TMEM62: variants seen among roughly 807,000 people sequenced by gnomAD.
The protein encoded by TMEM62 is transmembrane protein 62.
In TMEM62, 41 loss-of-function variants were observed where a neutral mutation model predicts 70.4. That is an observed-to-expected ratio of 0.58 (90% CI 0.45 to 0.76). TMEM62 has a LOEUF of 0.76. Among genes scored for constraint, TMEM62 ranks in the 30% least tolerant of loss-of-function variants. The pLI is 0.00. For synonymous variants in TMEM62, 268 were observed against 291.0 expected (o/e 0.92, Z 0.80); for missense variants, 688 against 788.5 (o/e 0.87, Z 1.53).
chr15:43,149,245 A>G (rs2037068562), intron 7 of TMEM62, 94 bp downstream of exon 7: 5 of 1,320,572 alleles, frequency 3.8e-6, no homozygotes, highest in Non-Finnish European at 5.2e-6. Context: ...GATCACAGTT[A>G]AAGAAAAACT....
At chr15:43,175,734 TAC>T (rs1364430789) in intron 11 of TMEM62, among the ~76,000 whole-genome samples, 1 of 152,226 alleles carries the variant, frequency 6.6e-6, no homozygotes, top group East Asian at 1.9e-4. Context: ...AGCTCCGGTC[TAC>T]ACCTCCCAGC....
intron 10 of TMEM62, among the ~76,000 whole-genome samples, chr15:43,162,433 C>CTTTTT (rs1169921008): frequency 3.6e-5 from 5 of 136,988 alleles, no homozygotes; most frequent in African/African-American, 9.2e-5. Context: ...GCCCCTGGCC[C>CTTTTT]TTTTTTTTTT....
intron 11 of TMEM62, among the ~76,000 whole-genome samples, chr15:43,173,661 T>TA (rs771800453): frequency 8.1e-4 from 123 of 152,184 alleles, no homozygotes; most frequent in Non-Finnish European, 1.3e-3. Flanking sequence ...CTGTAAGGCT[T>TA]ACCTGAAGAC....
chr15:43,172,648 C>CA (rs950220502), intron 11 of TMEM62, among the ~76,000 whole-genome samples: 28 of 152,100 alleles, frequency 1.8e-4, no homozygotes, highest in African/African-American at 6.3e-4. Context: ...TAAACCCAGG[C>CA]AAAAAATGTA....
chr15:43,160,993 T>C (rs978708463), intron 10 of TMEM62, among the ~76,000 whole-genome samples, 199 bp downstream of exon 10: 1 of 152,168 alleles, frequency 6.6e-6, no homozygotes, highest in East Asian at 1.9e-4. Context: ...TATATTGTTA[T>C]AATTGTTCTA....
intron 8 of TMEM62, 117 bp from the exon 9 acceptor site, chr15:43,154,555 T>A: frequency 4.9e-6 from 4 of 820,974 alleles, no homozygotes; most frequent in Non-Finnish European, 7.0e-6. Context: ...CCTGCTGTTG[T>A]ACAATATGAT....
chr15:43,154,953 C>A, intron 9 of TMEM62, 122 bp downstream of exon 9: 2 of 874,576 alleles, frequency 2.3e-6, no homozygotes, highest in Non-Finnish European at 3.3e-6. Context: ...GGGGGCCGGG[C>A]ATGGTGGCTC....
chr15:43,172,644 C>A (rs1204511482), intron 11 of TMEM62, among the ~76,000 whole-genome samples: 1 of 152,070 alleles, frequency 6.6e-6, no homozygotes, highest in South Asian at 2.1e-4. Flanking sequence ...TCAGTAAACC[C>A]AGGCAAAAAA....
intron 10 of TMEM62, among the ~76,000 whole-genome samples, chr15:43,167,846 G>A (rs888433953): frequency 6.6e-6 from 1 of 152,224 alleles, no homozygotes; most frequent in Non-Finnish European, 1.5e-5. Context: ...TGAGCACTGA[G>A]TGAACGAGAC....
At position 43,151,093 on chromosome 15, in the gene TMEM62, C is replaced by T. The variant is rs192720277; in HGVS notation, c.867-697C>T. Among the ~76,000 whole-genome samples the T allele has an allele frequency of 3.9e-5, 6 of 151,930 alleles. No homozygotes were observed. In the South Asian group the frequency reaches 6.2e-4, roughly 16 times the overall value. On this transcript the variant is annotated intron_variant, in intron 7 of 13. Transcript: ENST00000260403. The stretch of plus-strand genomic sequence containing the variant: ...GGCATGGTGGCTTACGCCTATAATC[C>T]CAGCACTTTGGGAAGCCAAGGTGAG...
chr15:43,160,837 T>A (rs776154266), intron 10 of TMEM62, 43 bp downstream of exon 10: 1 of 1,213,532 alleles, frequency 8.2e-7, no homozygotes, highest in Non-Finnish European at 1.2e-6. Context: ...AAATGCAGAG[T>A]CCTAAATAAT....
At chr15:43,168,176 AGACG>A (rs2039783656) in intron 10 of TMEM62, among the ~76,000 whole-genome samples, 3 of 38,912 alleles carry the variant, frequency 7.7e-5, no homozygotes, top group African/African-American at 3.2e-4. Flanking sequence ...AGGGAGACGG[AGACG>A]GAGAGGGAGA....
At chr15:43,180,821 A>T (rs1399064598) in intron 12 of TMEM62, 1 of 159,316 alleles carries the variant, frequency 6.3e-6, no homozygotes, top group African/African-American at 2.4e-5. Flanking sequence ...TGGAAATTTA[A>T]CTTCTGTGGA....
chr15:43,172,485 C>T (rs768932342), intron 11 of TMEM62, among the ~76,000 whole-genome samples: 1 of 152,184 alleles, frequency 6.6e-6, no homozygotes, highest in Non-Finnish European at 1.5e-5. Flanking sequence ...AAACAGCTAT[C>T]TTCATTAAAT....
intron 4 of TMEM62, among the ~76,000 whole-genome samples, chr15:43,142,590 A>G (rs1332255149): frequency 2.0e-5 from 3 of 151,646 alleles, no homozygotes; most frequent in Non-Finnish European, 4.4e-5. Context: ...TCAAAACAAG[A>G]CCCTCCACCA....
intron 10 of TMEM62, among the ~76,000 whole-genome samples, chr15:43,161,815 C>G (rs2038736619): frequency 6.6e-6 from 1 of 151,982 alleles, no homozygotes; most frequent in Admixed American, 6.6e-5. Flanking sequence ...TGCCTGCCAC[C>G]ACGCCCAGCT....
In TMEM62 at chr15:43,135,564, G is replaced by T; in HGVS notation, c.345G>T (p.Glu115Asp). The T allele has an allele frequency of 6.2e-7, 1 of 1,611,924 alleles. No individual in the cohort carries two copies. Among genetic ancestry groups the T allele is most frequent in the East Asian group, 2.2e-5 (1 of 44,776 alleles). The change falls in exon 3 of 14, where the codon GAG becomes GAT. Residue 115 changes from glutamate (E) to aspartate (D), a missense_variant. By Grantham distance (45) the Glu-to-Asp change is conservative. Coordinates refer to ENST00000260403, the MANE Select transcript of TMEM62 (RefSeq NM_024956.4). ...TKEQLGSRQH[E>D]VEWQTYQGIL... ...AACAGTTGGGATCCAGGCAGCATGA[G>T]GTAGAATGGCAAACCTACCAGGGTA...
chr15:43,173,400 G>A (rs896309197), intron 11 of TMEM62, among the ~76,000 whole-genome samples: 3 of 152,032 alleles, frequency 2.0e-5, no homozygotes, highest in Non-Finnish European at 2.9e-5. Flanking sequence ...GATCACTTCT[G>A]TATGCAAAAG....
Position 43,184,864 on chromosome 15 carries a change from T to A in TMEM62, c.*278T>A. 2.1e-6 allele frequency: 1 copy of A among 478,492 alleles called. No homozygotes were observed. The highest frequency in any genetic ancestry group is 3.8e-6 in the Non-Finnish European group (1 of 266,482). The allele number at this position is 478,492 out of a possible 1,614,324, so 29.6% of individuals were successfully genotyped here. A position where few individuals can be genotyped will look rare whatever the true frequency, so the allele number is the denominator to read the frequency against. On this transcript the variant is annotated 3_prime_UTR_variant, in exon 14 of 14. Transcript: ENST00000260403. ...GAAGAGAAAACCCTTATCTAGGACA[T>A]CCACAGGGTAGAGGTTGGGTGTGTG... is the stretch of plus-strand genomic sequence containing the variant.
Sources: gnomAD v4.1 joint callset for allele counts (sites outside exome capture counted in the v4.1 genomes callset) on GRCh38, gnomAD v4.1.1 for gene constraint, MANE v1.5 for transcripts, NCBI Gene and HGNC (gene_info 2026-07-23, HGNC 2026-07-21) for gene names.